The following RNF144A variants were observed in gnomAD, a reference collection of about 807,000 sequenced individuals.
The protein encoded by RNF144A is E3 ubiquitin-protein ligase RNF144A.
In RNF144A, 11 loss-of-function variants were observed where a neutral mutation model predicts 38.7. That is an observed-to-expected ratio of 0.28 (90% CI 0.18 to 0.47). The LOEUF is 0.47. RNF144A is among the 20% of genes least tolerant of loss of function. RNF144A has a pLI of 0.99. For synonymous variants in RNF144A, 149 were observed against 143.9 expected (o/e 1.04, Z -0.25); for missense variants, 316 against 377.2 (o/e 0.84, Z 1.34).
intron 2 of RNF144A, among the ~76,000 whole-genome samples, chr2:6,992,255 C>T (rs548931905): frequency 1.7e-4 from 26 of 152,330 alleles, no homozygotes; most frequent in African/African-American, 4.8e-4. Flanking sequence ...ATCACTGTGC[C>T]GCCCCACCCA....
chr2:6,977,897 A>T (rs889732132), intron 2 of RNF144A, among the ~76,000 whole-genome samples: 1 of 152,210 alleles, frequency 6.6e-6, no homozygotes, highest in East Asian at 1.9e-4. Flanking sequence ...GAAAGCATAG[A>T]TGGTAGTGAG....
the RNF144A span, chr2:7,074,754 GGAA>G: frequency 1.7e-4 from 26 of 152,934 alleles, no homozygotes; most frequent in African/African-American, 6.1e-4. Flanking sequence ...ATTTCTAGGT[GGAA>G]GAAGAGAAAG....
At chr2:6,942,990 G>T (rs1666110870) in intron 2 of RNF144A, among the ~76,000 whole-genome samples, 1 of 152,092 alleles carries the variant, frequency 6.6e-6, no homozygotes, top group Non-Finnish European at 1.5e-5. Context: ...ATCTCAATTT[G>T]AAAAAGAGAT....
chr2:6,919,107 G>C (rs1664364800), intron 1 of RNF144A, among the ~76,000 whole-genome samples: 1 of 152,200 alleles, frequency 6.6e-6, no homozygotes, highest in Non-Finnish European at 1.5e-5. Context: ...GCCCCCAGGA[G>C]GGAAGGGAGG....
downstream of RNF144A, among the ~76,000 whole-genome samples, chr2:7,072,948 C>A (rs1674532966): frequency 1.3e-5 from 2 of 152,226 alleles, no homozygotes; most frequent in African/African-American, 4.8e-5. Flanking sequence ...CTGGAATCTG[C>A]AGCCTTACAC....
intron 2 of RNF144A, among the ~76,000 whole-genome samples, chr2:6,948,482 T>C (rs1263792682): frequency 6.6e-6 from 1 of 152,244 alleles, no homozygotes; most frequent in Non-Finnish European, 1.5e-5. Flanking sequence ...CTGTGAGCTG[T>C]GGTGCTTCCC....
intron 6 of RNF144A, among the ~76,000 whole-genome samples, chr2:7,022,619 G>T (rs1465836368): frequency 1.3e-5 from 2 of 152,124 alleles, no homozygotes; most frequent in Non-Finnish European, 2.9e-5. Context: ...TGAGAAAATT[G>T]GTTTCTTAGC....
chr2:6,926,329 C>T (rs898220780), intron 1 of RNF144A, among the ~76,000 whole-genome samples: 6 of 152,208 alleles, frequency 3.9e-5, no homozygotes, highest in African/African-American at 1.2e-4. Context: ...GCTGCGTGGC[C>T]GGCTCCTGGA....
chr2:7,007,103 T>C (rs426614), intron 3 of RNF144A, among the ~76,000 whole-genome samples: 84,999 of 151,704 alleles, frequency 0.56, 24,669 homozygotes, highest in Non-Finnish European at 0.64. Context: ...CCCCATTTTG[T>C]GGACTTGACT....
At chr2:7,044,964 G>A (rs1011090866), downstream of RNF144A, among the ~76,000 whole-genome samples, 2 of 152,226 alleles carry the variant, frequency 1.3e-5, no homozygotes, top group Non-Finnish European at 1.5e-5. Context: ...ATCATAAGAA[G>A]GTGGAATAAG....
At chr2:7,030,285 G>A in intron 8 of RNF144A, 70 bp downstream of exon 8, 1 of 917,590 alleles carries the variant, frequency 1.1e-6, no homozygotes, top group Admixed American at 1.8e-5. Flanking sequence ...GTGTGTGTGT[G>A]TGTGTGTGTG....
At position 6,958,095 on chromosome 2, in the gene RNF144A, AG is replaced by A. The variant is rs1403135552; in HGVS notation, c.-12+16949del. ...CTGTCACATTGCATTGGAAGGTGAC[AG>A]ATGGAAGCACACAGTAGTCTGCAGC... is the stretch of plus-strand genomic sequence containing the variant. On this transcript the variant is annotated intron_variant, in intron 2 of 8. Transcript: ENST00000320892. This position sits in a 1 kb window ranked among gnomAD's most constrained non-coding sequence, Gnocchi z 4.5. Among the ~76,000 whole-genome samples, 1 of 152,262 alleles carries A rather than the reference AG, an allele frequency of 6.6e-6. No individual in the cohort carries two copies. The highest frequency in any genetic ancestry group is 1.5e-5 in the Non-Finnish European group (1 of 68,048).
chr2:7,049,673 TTTTA>T (rs1673442305), intron 6 of RNF144A, among the ~76,000 whole-genome samples: 1 of 152,264 alleles, frequency 6.6e-6, no homozygotes, highest in South Asian at 2.1e-4. Flanking sequence ...AATTTAATGT[TTTTA>T]TTAATGACAA....
intron 5 of RNF144A, among the ~76,000 whole-genome samples, chr2:7,017,006 G>A (rs1288134983): frequency 1.3e-5 from 2 of 152,232 alleles, no homozygotes; most frequent in South Asian, 2.1e-4. Context: ...AGGAAGCTGA[G>A]TTTTCATTCT....
At chr2:6,988,848 C>A (rs1375263010) in intron 2 of RNF144A, among the ~76,000 whole-genome samples, 1 of 152,028 alleles carries the variant, frequency 6.6e-6, no homozygotes, top group African/African-American at 2.4e-5. Context: ...GTGTCTTTTC[C>A]CTCATTTATT....
intron 6 of RNF144A, among the ~76,000 whole-genome samples, chr2:7,066,104 T>A (rs1205762947): frequency 6.6e-6 from 1 of 152,186 alleles, no homozygotes; most frequent in Non-Finnish European, 1.5e-5. Flanking sequence ...TTTTTTCTTT[T>A]TGAGACGGAG....
intron 2 of RNF144A, among the ~76,000 whole-genome samples, chr2:6,979,862 C>G (rs532061382): frequency 1.3e-5 from 2 of 152,154 alleles, no homozygotes; most frequent in Non-Finnish European, 2.9e-5. Context: ...AATGATACTA[C>G]CTGAGACTGA....
chr2:6,950,554 A>G (rs1374803990), intron 2 of RNF144A, among the ~76,000 whole-genome samples: 1 of 152,212 alleles, frequency 6.6e-6, no homozygotes, highest in African/African-American at 2.4e-5. Flanking sequence ...TATACCAAGG[A>G]AGAGCACAGC....
chr2:6,989,798 T>A (rs1433844284), intron 2 of RNF144A, among the ~76,000 whole-genome samples: 1 of 152,158 alleles, frequency 6.6e-6, no homozygotes, highest in African/African-American at 2.4e-5. Context: ...TAACCACTGA[T>A]CTGTTTGCTG....
Sources: allele counts gnomAD v4.1 joint callset (sites outside exome capture counted in the v4.1 genomes callset), GRCh38; gene constraint gnomAD v4.1.1; non-coding constraint Gnocchi (gnomAD v3.1); transcripts MANE v1.5; gene names NCBI Gene and HGNC (gene_info 2026-07-23, HGNC 2026-07-21).